The following ABI3BP variants were observed in gnomAD, a reference collection of about 807,000 sequenced individuals.
ABI3BP encodes the protein target of Nesh-SH3.
Under a neutral mutation model 268.6 loss-of-function variants are expected in ABI3BP, and 216 were observed. The observed-to-expected ratio is 0.80, with a 90% CI of 0.72 to 0.90. The LOEUF (loss-of-function observed/expected upper bound fraction) is 0.90. Among genes scored for constraint, ABI3BP ranks in the 40% least tolerant of loss-of-function variants. ABI3BP has a pLI of 0.00. For synonymous variants in ABI3BP, 730 were observed against 730.0 expected (o/e 1.00, Z 0.00); for missense variants, 2,090 against 2,182.4 (o/e 0.96, Z 0.84).
At chr3:100,922,950 AT>A (rs1220211578) in intron 2 of ABI3BP, among the ~76,000 whole-genome samples, 3 of 152,200 alleles carry the variant, frequency 2.0e-5, no homozygotes, top group Non-Finnish European at 4.4e-5. Flanking sequence ...AAAAAATAAC[AT>A]TTAACTTGGA....
At chr3:100,954,685 A>G (rs2076212736) in intron 1 of ABI3BP, among the ~76,000 whole-genome samples, 1 of 152,200 alleles carries the variant, frequency 6.6e-6, no homozygotes, top group Non-Finnish European at 1.5e-5. Flanking sequence ...AGACCTTTAC[A>G]TCACACATGG....
intron 1 of ABI3BP, among the ~76,000 whole-genome samples, chr3:100,928,702 G>T (rs2062650745): frequency 6.6e-6 from 1 of 151,914 alleles, no homozygotes; most frequent in South Asian, 2.1e-4. Context: ...ATCTGAAAAG[G>T]GACCTTACAA....
intron 61 of ABI3BP, among the ~76,000 whole-genome samples, chr3:100,773,471 G>C (rs1035118611): frequency 3.3e-5 from 5 of 152,180 alleles, no homozygotes; most frequent in Non-Finnish European, 5.9e-5. Flanking sequence ...TGTTGGTGAG[G>C]ATTTGGAGGA....
At chr3:100,875,393 A>C in intron 8 of ABI3BP, 115 bp downstream of exon 8, 7 of 772,354 alleles carry the variant, frequency 9.1e-6, no homozygotes, top group Non-Finnish European at 1.6e-5. Context: ...AGTGAAAGGA[A>C]GTGAACCACA....
chr3:100,791,459 A>T (rs183138873), intron 55 of ABI3BP, among the ~76,000 whole-genome samples: 4 of 151,764 alleles, frequency 2.6e-5, no homozygotes, highest in Non-Finnish European at 5.9e-5. Flanking sequence ...GTAAAAACAG[A>T]TTGATTATGA....
intron 1 of ABI3BP, among the ~76,000 whole-genome samples, chr3:100,941,183 C>A (rs1017722955): frequency 6.6e-6 from 1 of 151,808 alleles, no homozygotes; most frequent in African/African-American, 2.4e-5. Context: ...CAAATGACAG[C>A]ATTTCATGAT....
intron 2 of ABI3BP, among the ~76,000 whole-genome samples, chr3:100,916,792 T>C (rs886747324): frequency 6.6e-6 from 1 of 152,254 alleles, no homozygotes; most frequent in African/African-American, 2.4e-5. Flanking sequence ...CTTTTCTTGA[T>C]GCAAAGCATC....
At chr3:100,842,213 G>T (rs976889738) in intron 20 of ABI3BP, among the ~76,000 whole-genome samples, 174 bp from the exon 21 acceptor site, 2 of 152,184 alleles carry the variant, frequency 1.3e-5, no homozygotes, top group African/African-American at 4.8e-5. Context: ...CAAGAATTGA[G>T]AATTCTCATT....
At position 100,943,926 on chromosome 3, in the gene ABI3BP, T is replaced by G. The variant is rs375304980; in HGVS notation, c.80-17445A>C. Among the ~76,000 whole-genome samples, 12 of 152,272 alleles carry G rather than the reference T, an allele frequency of 7.9e-5. No homozygotes were observed. The East Asian group carries it at 1.5e-3, about 20-fold the overall frequency. On this transcript the variant is annotated intron_variant, in intron 1 of 67. Coordinates refer to ENST00000471714, the MANE Select transcript of ABI3BP (RefSeq NM_001375547.2). Reference sequence around the variant, plus strand: ...TTTCTAATTTTCCAGATTATTTACTTATAATGCTATTTACCAGGGAAACAA... The same window carrying G: ...TTTCTAATTTTCCAGATTATTTACTGATAATGCTATTTACCAGGGAAACAA...
intron 2 of ABI3BP, among the ~76,000 whole-genome samples, chr3:100,910,238 A>G (rs925099260): frequency 2.0e-5 from 3 of 152,136 alleles, no homozygotes; most frequent in African/African-American, 7.2e-5. Context: ...GGAGGGGAAC[A>G]TCACACACTG....
At chr3:100,831,754 G>T (rs527581223) in intron 31 of ABI3BP, among the ~76,000 whole-genome samples, 1 of 152,138 alleles carries the variant, frequency 6.6e-6, no homozygotes, top group South Asian at 2.1e-4. Context: ...TAATTATCCT[G>T]GACATTTTCC....
intron 51 of ABI3BP, among the ~76,000 whole-genome samples, chr3:100,802,252 T>C (rs2097554602): frequency 1.3e-5 from 2 of 152,206 alleles, no homozygotes; most frequent in African/African-American, 4.8e-5. Flanking sequence ...CATGAGGATT[T>C]GGATAGCTTG....
intron 1 of ABI3BP, among the ~76,000 whole-genome samples, chr3:100,959,496 A>C (rs1172779342): frequency 2.7e-5 from 4 of 150,240 alleles, no homozygotes; most frequent in Non-Finnish European, 5.9e-5. Flanking sequence ...TCTCAAAAAA[A>C]AAAAAAAAAA....
intron 1 of ABI3BP, among the ~76,000 whole-genome samples, chr3:100,959,396 A>G (rs968332070): frequency 6.8e-6 from 1 of 146,590 alleles, no homozygotes; most frequent in African/African-American, 2.5e-5. Context: ...AGGCTGAGGC[A>G]GGAGAATGGC....
chr3:100,777,162 C>T (rs1196578519), intron 59 of ABI3BP, among the ~76,000 whole-genome samples: 5 of 152,234 alleles, frequency 3.3e-5, no homozygotes, highest in African/African-American at 9.6e-5. Flanking sequence ...AGCCTCCTTT[C>T]ATCCTGTGAG....
At chr3:100,926,659 C>T (rs1461893773) in intron 1 of ABI3BP, among the ~76,000 whole-genome samples, 178 bp from the exon 2 acceptor site, 1 of 152,132 alleles carries the variant, frequency 6.6e-6, no homozygotes, top group Non-Finnish European at 1.5e-5. Context: ...TAACATAGAG[C>T]AGCCTAGAAT....
chr3:100,813,991 G>T (rs192793631), intron 44 of ABI3BP, among the ~76,000 whole-genome samples: 1 of 152,110 alleles, frequency 6.6e-6, no homozygotes, highest in Admixed American at 6.6e-5. Flanking sequence ...CATGACACGT[G>T]AAAATGGCAT....
intron 2 of ABI3BP, among the ~76,000 whole-genome samples, chr3:100,907,969 A>G (rs2054259903): frequency 6.6e-6 from 1 of 151,956 alleles, no homozygotes; most frequent in African/African-American, 2.4e-5. Flanking sequence ...ACAAAAAATT[A>G]GCCGGGCGTG....
chr3:100,760,383 T>A (rs897958959), intron 63 of ABI3BP, among the ~76,000 whole-genome samples: 1 of 152,156 alleles, frequency 6.6e-6, no homozygotes, highest in African/African-American at 2.4e-5. Context: ...TTGTGTGTGT[T>A]CATCCATTTG....
Sources: allele counts gnomAD v4.1 joint callset (sites outside exome capture counted in the v4.1 genomes callset), GRCh38; gene constraint gnomAD v4.1.1; transcripts MANE v1.5; gene names NCBI Gene and HGNC (gene_info 2026-07-23, HGNC 2026-07-21).